The following ABCA3 variants were observed in gnomAD, a reference collection of about 807,000 sequenced individuals.
The protein encoded by ABCA3 is ATP binding cassette subfamily A member 3, also known as phospholipid-transporting ATPase ABCA3.
ABCA3 carries 88 observed loss-of-function variants against 172.8 expected under a neutral mutation model. The observed-to-expected ratio is 0.51, with a 90% CI of 0.43 to 0.61. The LOEUF (loss-of-function observed/expected upper bound fraction) is 0.61. Ranked by LOEUF, ABCA3 falls within the 20% of genes least tolerant of loss-of-function variation. The probability of loss-of-function intolerance (pLI) is 0.00; values close to 1 mark genes in which losing one functional copy is unlikely to be tolerated. For synonymous variants in ABCA3, 1,066 were observed against 983.8 expected (o/e 1.08, Z -1.56); for missense variants, 2,164 against 2,301.0 (o/e 0.94, Z 1.22).
At chr16:2,325,602 C>G (rs2093732937) in intron 5 of ABCA3, among the ~76,000 whole-genome samples, 2 of 152,238 alleles carry the variant, frequency 1.3e-5, no homozygotes, top group South Asian at 4.1e-4. Flanking sequence ...ATATCTGCTA[C>G]TTTCCTTATG....
intron 6 of ABCA3, 117 bp from the exon 7 acceptor site, chr16:2,323,805 C>A (rs937819824): frequency 1.7e-6 from 2 of 1,155,918 alleles, no homozygotes; most frequent in East Asian, 4.7e-5. Context: ...ACCACTCCCC[C>A]GCCTCTGAGT....
rs572101154 is a variant in ABCA3, at chr16:2,298,392, G to A, written c.1890C>T (p.Tyr630=). The A allele has an allele frequency of 2.2e-4, 353 of 1,614,044 alleles. No homozygotes were observed. In the South Asian group the frequency reaches 3.2e-3, roughly 15 times the overall value. ...NLTVAEHLYF[Y]AQLKGLSRQK... is the part of the protein sequence containing the mutation. ...CCCCTGGCCCCCAACTCACCTGGGC[G>A]TAGAAATAAAGGTGCTCTGCGACTG... The change falls in exon 15 of 33, where the codon TAC becomes TAT. Residue 630 remains tyrosine, a synonymous_variant. Coordinates refer to ENST00000301732, the MANE Select transcript of ABCA3 (RefSeq NM_001089.3).
At chr16:2,323,375 A>G in intron 7 of ABCA3, 148 bp downstream of exon 7, 4 of 1,004,942 alleles carry the variant, frequency 4.0e-6, no homozygotes, top group Non-Finnish European at 6.3e-6. Context: ...TTGCGGCACT[A>G]TTCACAACAG....
chr16:2,301,480 G>T (rs1193585984), intron 12 of ABCA3, among the ~76,000 whole-genome samples: 1 of 152,132 alleles, frequency 6.6e-6, no homozygotes, highest in Non-Finnish European at 1.5e-5. Context: ...GCCGAGGCGG[G>T]TGGATCACCT....
At chr16:2,312,659 G>T (rs1212289366) in intron 10 of ABCA3, among the ~76,000 whole-genome samples, 1 of 151,792 alleles carries the variant, frequency 6.6e-6, no homozygotes, top group Non-Finnish European at 1.5e-5. Flanking sequence ...CTCCCGAGTA[G>T]CTGGGATTAC....
intron 12 of ABCA3, among the ~76,000 whole-genome samples, chr16:2,303,178 A>G (rs1421702966): frequency 6.6e-6 from 1 of 152,080 alleles, no homozygotes; most frequent in African/African-American, 2.4e-5. Flanking sequence ...AGGGAAACCC[A>G]GCAAAGTACA....
chr16:2,302,328 G>A (rs1306245275), intron 12 of ABCA3, among the ~76,000 whole-genome samples: 1 of 151,882 alleles, frequency 6.6e-6, no homozygotes, highest in Admixed American at 6.6e-5. Context: ...TAATACTTAG[G>A]TAGAAATATA....
Position 2,277,491 on chromosome 16 carries a change from T to C in ABCA3, c.4983+106A>G, listed in dbSNP as rs1769365114. On this transcript the variant is annotated intron_variant, in intron 32 of 32. Coordinates refer to ENST00000301732, the MANE Select transcript of ABCA3 (RefSeq NM_001089.3). This position sits in a 1 kb window ranked among gnomAD's most constrained non-coding sequence, Gnocchi z 5.3. ...TGAGTGTTAGGGGAGAAATGGAAAG[T>C]GACTCCTCTGTGGAAAGAGCCTGCA... is the stretch of plus-strand genomic sequence containing the variant. 8.4e-7 allele frequency: 1 copy of C among 1,193,548 alleles called. No individual in the cohort carries two copies. Among genetic ancestry groups the C allele is most frequent in the Admixed American group, 1.9e-5 (1 of 51,462 alleles). 73.9% of individuals were successfully genotyped at this position (1,193,548 alleles called of 1,614,324 possible). A position where few individuals can be genotyped will look rare whatever the true frequency, so the allele number is the denominator to read the frequency against.
chr16:2,319,881 G>T, intron 7 of ABCA3, 41 bp from the exon 8 acceptor site: 1 of 1,611,064 alleles, frequency 6.2e-7, no homozygotes, highest in Non-Finnish European at 8.5e-7. Flanking sequence ...ACCTCGAGGA[G>T]CTGCTCTCGA....
In ABCA3 at chr16:2,281,548, C is replaced by G. The variant is rs758349781; in HGVS notation, c.4036-39G>C. ...ACAAAGACCGCATGCGTGAACCCAGCCGCAGGGCGGCTTCCGTGGAGAAGG... is the reference window on the plus strand; with the variant it reads ...ACAAAGACCGCATGCGTGAACCCAGGCGCAGGGCGGCTTCCGTGGAGAAGG... On this transcript the variant is annotated intron_variant, in intron 26 of 32. Coordinates refer to ENST00000301732, the MANE Select transcript of ABCA3 (RefSeq NM_001089.3). The surrounding 1 kb of genome is among the most constrained non-coding windows in gnomAD (Gnocchi z 4.7). 3 of 1,547,192 alleles carry G rather than the reference C, an allele frequency of 1.9e-6. No homozygotes were observed. The highest frequency in any genetic ancestry group is 1.7e-5 in the Admixed American group (1 of 58,010).
chr16:2,288,792 C>T (rs1596836234), intron 20 of ABCA3, among the ~76,000 whole-genome samples: 2 of 152,114 alleles, frequency 1.3e-5, no homozygotes, highest in Admixed American at 1.3e-4. Context: ...GTGATCTGCC[C>T]GCCTTGGCCT....
In ABCA3 at chr16:2,299,414, G is replaced by A; in HGVS notation, c.1730C>T (p.Ser577Phe). Residue 577 changes from serine (S) to phenylalanine (F), a missense_variant, in exon 14 of 33, where the codon TCC becomes TTC. Coordinates refer to ENST00000301732, the MANE Select transcript of ABCA3 (RefSeq NM_001089.3). Reference protein sequence around the residue: ...HNGAGKTTTLSMLTGLFPPTS... With the variant: ...HNGAGKTTTLFMLTGLFPPTS... ...CGCCTGGCCCTCACCTGTGAGCATG[G>A]AGAGGGTGGTGGTCTTCCCGGCACC... is the stretch of plus-strand genomic sequence containing the variant. 1.2e-6 allele frequency: 2 copies of A among 1,613,748 alleles called. No homozygotes were observed. The highest frequency in any genetic ancestry group is 1.7e-6 in the Non-Finnish European group (2 of 1,179,964).
intron 11 of ABCA3, among the ~76,000 whole-genome samples, chr16:2,304,940 G>A (rs901308158): frequency 2.0e-5 from 3 of 152,012 alleles, no homozygotes; most frequent in African/African-American, 7.2e-5. Context: ...CTCCCAAAGC[G>A]CTGGGATTAC....
chr16:2,300,183 G>A (rs1254470471), intron 12 of ABCA3, 35 bp from the exon 13 acceptor site: 2 of 1,612,342 alleles, frequency 1.2e-6, no homozygotes, highest in South Asian at 1.1e-5. Flanking sequence ...AGTTTGTTTT[G>A]TTTGTGACGA....
rs75808174 is a variant in ABCA3, at chr16:2,285,410, G to A, written c.3483+32C>T. 4.6e-3 allele frequency: 7,246 copies of A among 1,582,232 alleles called. 271 individuals are homozygous for A. In the African/African-American group the frequency reaches 0.08, roughly 17 times the overall value. On this transcript the variant is annotated intron_variant, in intron 23 of 32. Coordinates refer to ENST00000301732, the MANE Select transcript of ABCA3 (RefSeq NM_001089.3). The surrounding 1 kb of genome is among the most constrained non-coding windows in gnomAD (Gnocchi z 4.7). ...CAGGGCAAGCCCTCTGCGGTCTGCA[G>A]GGGAACGGATCCAGCACCCTCCGGC...
In ABCA3 at chr16:2,298,169, C is replaced by T. The variant is rs1468833935; in HGVS notation, c.1896+217G>A. On this transcript the variant is annotated intron_variant, in intron 15 of 32. Coordinates refer to ENST00000301732, the MANE Select transcript of ABCA3 (RefSeq NM_001089.3). ...GAGTTTCTGGTAAGAGGAACCTCTC[C>T]TTGACGTAGCTGGGGAGATGCAGGG... 2.1e-5 allele frequency among the ~76,000 whole-genome samples: 2 copies of T among 95,168 alleles called. 1 individual carries two copies. The highest frequency in any genetic ancestry group is 5.2e-5 in the Non-Finnish European group (2 of 38,334). 62.4% of individuals were successfully genotyped at this position (95,168 alleles called of 152,430 possible).
In ABCA3 at chr16:2,319,758, G is replaced by A. The variant is rs2093722803; in HGVS notation, c.696C>T (p.Arg232=). 6.2e-7 allele frequency: 1 copy of A among 1,613,942 alleles called. No homozygotes were observed. The highest frequency in any genetic ancestry group is 1.3e-5 in the African/African-American group (1 of 74,924). Residue 232 remains arginine (R), a synonymous_variant, in exon 8 of 33, where the codon CGC becomes CGT. Transcript: ENST00000301732. ...TCACCGTCAGTCTCTGGAACAGCTG[G>A]CGTGTGGCGGCATCGGCATGGTACT... ...IMEYHADAAT[R]QLFQRLTVTI... is the part of the protein sequence containing the mutation.
intron 19 of ABCA3, among the ~76,000 whole-genome samples, chr16:2,291,866 G>C (rs1344926365): frequency 1.3e-5 from 2 of 152,094 alleles, no homozygotes; most frequent in Non-Finnish European, 2.9e-5. Flanking sequence ...CTGAGGTCAG[G>C]AGTTTGAGAC....
intron 1 of ABCA3, among the ~76,000 whole-genome samples, chr16:2,331,441 C>A (rs1428243515): frequency 6.6e-6 from 1 of 152,170 alleles, no homozygotes; most frequent in Non-Finnish European, 1.5e-5. Flanking sequence ...TCAAGTGATC[C>A]GCCCGCCTCG....
Sources: allele counts gnomAD v4.1 joint callset (sites outside exome capture counted in the v4.1 genomes callset), GRCh38; gene constraint gnomAD v4.1.1; non-coding constraint Gnocchi (gnomAD v3.1); transcripts MANE v1.5; gene names NCBI Gene and HGNC (gene_info 2026-07-23, HGNC 2026-07-21).